MCPH1: variants seen among roughly 807,000 people sequenced by gnomAD.
MCPH1 encodes the protein microcephalin 1.
A neutral mutation model predicts 84.5 loss-of-function variants in MCPH1; 104 were observed. The ratio of observed to expected loss-of-function variants is 1.23; its 90% confidence interval spans 1.05 to 1.45. MCPH1 has a LOEUF of 1.45. Among genes scored for constraint, MCPH1 ranks in the 40% most tolerant of loss-of-function variants. The pLI, the probability that MCPH1 is intolerant of heterozygous loss-of-function variation, is 0.00. For missense variants in MCPH1, 1,498 were observed against 1,005.7 expected, an observed-to-expected ratio of 1.49 and a Z score of -6.62; for synonymous variants, 514 against 366.8, an observed-to-expected ratio of 1.40 and a Z score of -4.58.
rs1183058968 is a variant in MCPH1, at chr8:6,505,249, C to A, written c.2214+5320C>A. On this transcript the variant is annotated intron_variant, in intron 12 of 13. Transcript: ENST00000344683. The stretch of plus-strand genomic sequence containing the variant: ...CTTATGTATATATAGAATATATATT[C>A]TTTATATATGTTTTATATATATGTA... Among the ~76,000 whole-genome samples the A allele has an allele frequency of 4.8e-3, 78 of 16,272 alleles. 10 individuals are homozygous for A. The highest frequency in any genetic ancestry group is 9.7e-3 in the African/African-American group (56 of 5,774). 10.7% of individuals were successfully genotyped at this position (16,272 alleles called of 152,430 possible).
At chr8:6,494,730 C>T (rs968049673) in intron 11 of MCPH1, among the ~76,000 whole-genome samples, 1 of 151,916 alleles carries the variant, frequency 6.6e-6, no homozygotes, top group African/African-American at 2.4e-5. Context: ...TAGAAGTTAC[C>T]AGGGATGGAG....
At chr8:6,609,504 G>A (rs189422015) in intron 12 of MCPH1, among the ~76,000 whole-genome samples, 23 of 152,298 alleles carry the variant, frequency 1.5e-4, no homozygotes, top group Admixed American at 7.8e-4. Context: ...CAAGTTTGGC[G>A]CTCATTGAGT....
chr8:6,565,792 C>G (rs920884645), intron 12 of MCPH1, among the ~76,000 whole-genome samples: 7 of 152,172 alleles, frequency 4.6e-5, no homozygotes, highest in Admixed American at 1.3e-4. Context: ...TAAGAGAGAG[C>G]AGTCGGAGCA....
intron 11 of MCPH1, among the ~76,000 whole-genome samples, chr8:6,488,062 A>C (rs1341248009): frequency 6.6e-6 from 1 of 152,244 alleles, no homozygotes; most frequent in African/African-American, 2.4e-5. Context: ...TTGCCCAGAC[A>C]TAGAACCCAC....
chr8:6,519,795 C>T (rs1266793302), intron 12 of MCPH1: 2 of 1,562,522 alleles, frequency 1.3e-6, no homozygotes, highest in Non-Finnish European at 1.7e-6. Context: ...CTTCTGCTCT[C>T]TGGTTCCTCA....
At chr8:6,543,085 G>A (rs1821903146) in intron 12 of MCPH1, among the ~76,000 whole-genome samples, 1 of 152,056 alleles carries the variant, frequency 6.6e-6, no homozygotes, top group Admixed American at 6.6e-5. Flanking sequence ...CACTGCCTCT[G>A]GACAGAAACC....
At chr8:6,565,557 G>A (rs965616126) in intron 12 of MCPH1, among the ~76,000 whole-genome samples, 5 of 152,108 alleles carry the variant, frequency 3.3e-5, no homozygotes, top group African/African-American at 1.2e-4. Context: ...ACTGTACCTG[G>A]CCTGCATATA....
chr8:6,600,502 G>A (rs1436857086), intron 12 of MCPH1, among the ~76,000 whole-genome samples: 1 of 152,228 alleles, frequency 6.6e-6, no homozygotes, highest in African/African-American at 2.4e-5. Context: ...ACCCTTGGCG[G>A]CACATCTCCA....
chr8:6,514,843 C>A (rs746775061), intron 12 of MCPH1: 1 of 1,415,122 alleles, frequency 7.1e-7, no homozygotes, highest in Non-Finnish European at 9.9e-7. Flanking sequence ...GTAGCAGAAG[C>A]AGGAGGAATG....
intron 12 of MCPH1, among the ~76,000 whole-genome samples, chr8:6,554,417 T>A (rs929756931): frequency 6.6e-6 from 1 of 152,146 alleles, no homozygotes; most frequent in African/African-American, 2.4e-5. Flanking sequence ...CAGGAAATGA[T>A]TGCTTCTCTA....
At chr8:6,414,643 T>G in intron 2 of MCPH1, 122 bp from the exon 3 acceptor site, 2 of 1,031,662 alleles carry the variant, frequency 1.9e-6, no homozygotes, top group Non-Finnish European at 2.8e-6. Context: ...ATGCATTCCT[T>G]TGAGTGTTTC....
chr8:6,578,394 G>C (rs1208298623), intron 12 of MCPH1, among the ~76,000 whole-genome samples: 7 of 152,162 alleles, frequency 4.6e-5, no homozygotes, highest in Non-Finnish European at 7.3e-5. Context: ...TGTTTACTTA[G>C]GGCTTAAAAA....
chr8:6,479,062 C>G (rs564764396), intron 10 of MCPH1, among the ~76,000 whole-genome samples: 5 of 152,290 alleles, frequency 3.3e-5, no homozygotes, highest in East Asian at 3.9e-4. Flanking sequence ...CCTAGGAGTT[C>G]AAGACCAGCC....
In MCPH1 at chr8:6,643,075, C is replaced by T. The variant is rs538332647; in HGVS notation, c.*26C>T. On this transcript the variant is annotated 3_prime_UTR_variant, in exon 14 of 14. Coordinates refer to ENST00000344683, the MANE Select transcript of MCPH1 (RefSeq NM_024596.5). ...CAGTGACCTCACTGGCCTGTGGTGA[C>T]TGCACACAGCTCGCAAAACTGTCTT... 3 of 1,599,752 alleles carry T rather than the reference C, an allele frequency of 1.9e-6. No homozygotes were observed. The highest frequency in any genetic ancestry group is 1.7e-4 in the Middle Eastern group (1 of 6,034).
intron 12 of MCPH1, among the ~76,000 whole-genome samples, chr8:6,531,452 C>G (rs1467732252): frequency 6.6e-6 from 1 of 152,016 alleles, no homozygotes; most frequent in African/African-American, 2.4e-5. Flanking sequence ...CCACACCTGG[C>G]TAATTTGTTT....
intron 12 of MCPH1, chr8:6,514,598 G>T: frequency 1.6e-6 from 2 of 1,254,714 alleles, no homozygotes; most frequent in Non-Finnish European, 2.3e-6. Flanking sequence ...TTTGGGATTG[G>T]TGGTTAAGGT....
rs1030155652 is a variant in MCPH1 at position 6,459,735 on chromosome 8, T to C, written c.1935+4483T>C. On this transcript the variant is annotated intron_variant, in intron 9 of 13. Coordinates refer to ENST00000344683, the MANE Select transcript of MCPH1 (RefSeq NM_024596.5). ...GGCCCTAATGACTTTATTTTCTTTTTAGTTTTAAATCTGAAGTAGCACTTG... is the reference window on the plus strand; with the variant it reads ...GGCCCTAATGACTTTATTTTCTTTTCAGTTTTAAATCTGAAGTAGCACTTG... Among the ~76,000 whole-genome samples, 34 of 152,238 alleles carry C rather than the reference T, an allele frequency of 2.2e-4. 1 individual carries two copies. The highest frequency in any genetic ancestry group is 1.3e-4 in the Non-Finnish European group (9 of 68,046).
chr8:6,562,979 AAC>A, intron 12 of MCPH1: 1 of 1,545,508 alleles, frequency 6.5e-7, no homozygotes, highest in Non-Finnish European at 8.8e-7. Flanking sequence ...CTTGAGGGCA[AAC>A]ACACGTCCAG....
intron 12 of MCPH1, among the ~76,000 whole-genome samples, chr8:6,526,988 A>G (rs1818458338): frequency 1.3e-5 from 2 of 152,218 alleles, no homozygotes; most frequent in African/African-American, 2.4e-5. Context: ...TGAAGAGGAA[A>G]CATTGGATCA....
Sources: allele counts gnomAD v4.1 joint callset (sites outside exome capture counted in the v4.1 genomes callset), GRCh38; gene constraint gnomAD v4.1.1; transcripts MANE v1.5; gene names NCBI Gene and HGNC (gene_info 2026-07-23, HGNC 2026-07-21).